SHTN1: variants seen among roughly 807,000 people sequenced by gnomAD.
SHTN1 encodes the protein shootin-1.
In SHTN1, 42 loss-of-function variants were observed where a neutral mutation model predicts 83.1. The observed-to-expected ratio is 0.51, with a 90% CI of 0.39 to 0.65. The LOEUF is 0.65. Ranked by LOEUF, SHTN1 falls within the 30% of genes least tolerant of loss-of-function variation. SHTN1 has a pLI of 0.00. For missense variants in SHTN1, 622 were observed against 737.8 expected (o/e 0.84, Z 1.82); for synonymous variants, 224 against 247.7 (o/e 0.90, Z 0.90).
At position 116,883,790 on chromosome 10, in the gene SHTN1, T is replaced by G. The variant is rs559117392; in HGVS notation, c.*2554A>C. ...ACTATGCTGGGTGCTAATAGCCCTG[T>G]TGATGCCTGCCAGTCAGAACTTCCA... On this transcript the variant is annotated 3_prime_UTR_variant, in exon 17 of 17. Transcript: ENST00000355371. 6.1e-6 allele frequency: 1 copy of G among 164,740 alleles called. No individual in the cohort carries two copies. The highest frequency in any genetic ancestry group is 2.4e-5 in the African/African-American group (1 of 41,478). The allele number at this position is 164,740 out of a possible 1,614,324, so 10.2% of individuals were successfully genotyped here. A position where few individuals can be genotyped will look rare whatever the true frequency, so the allele number is the denominator to read the frequency against.
chr10:117,107,469 T>C (rs1177810435), intron 1 of SHTN1, among the ~76,000 whole-genome samples: 1 of 150,798 alleles, frequency 6.6e-6, no homozygotes, highest in African/African-American at 2.4e-5. Flanking sequence ...TCACAACACA[T>C]ATCTACCCTC....
chr10:116,894,860 G>A (rs944191641), intron 16 of SHTN1, among the ~76,000 whole-genome samples: 4 of 152,072 alleles, frequency 2.6e-5, no homozygotes, highest in African/African-American at 9.7e-5. Flanking sequence ...AAAGCAAGAG[G>A]GCAAGAAAAC....
chr10:116,980,914 C>A (rs546050090), intron 1 of SHTN1, among the ~76,000 whole-genome samples: 48 of 152,256 alleles, frequency 3.2e-4, no homozygotes, highest in African/African-American at 1.1e-3. Context: ...ATACCAGGAC[C>A]ACTTAAACAA....
intron 6 of SHTN1, among the ~76,000 whole-genome samples, chr10:116,951,162 T>C (rs987661527): frequency 2.6e-5 from 4 of 152,154 alleles, no homozygotes; most frequent in Non-Finnish European, 5.9e-5. Flanking sequence ...GCGGCTTGCA[T>C]TGGTGGTCCC....
At chr10:117,077,134 C>T (rs923033053) in intron 1 of SHTN1, among the ~76,000 whole-genome samples, 4 of 152,136 alleles carry the variant, frequency 2.6e-5, no homozygotes, top group African/African-American at 7.2e-5. Context: ...TTCACCTCTA[C>T]GAATAGGTTT....
rs528805690 is a variant in SHTN1 at position 117,033,067 on chromosome 10, AAG to A, written c.-123+15376_-123+15377del. Among the ~76,000 whole-genome samples the A allele has an allele frequency of 4.2e-3, 642 of 152,274 alleles. 7 individuals are homozygous for A. Among genetic ancestry groups the A allele is most frequent in the Non-Finnish European group, 6.1e-3 (418 of 68,016 alleles). The stretch of plus-strand genomic sequence containing the variant: ...TTCCAAGAAGGAAATTTATAGCTGT[AAG>A]TGCCTGCCTACATCAAAAAAGAAGA... On this transcript the variant is annotated intron_variant, in intron 2 of 17. Coordinates refer to the SHTN1 transcript ENST00000392901.
chr10:116,987,624 G>T (rs1224510270), intron 1 of SHTN1, among the ~76,000 whole-genome samples: 1 of 152,048 alleles, frequency 6.6e-6, no homozygotes, highest in African/African-American at 2.4e-5. Context: ...ACAATAAAAA[G>T]ATCAGTGGGA....
chr10:116,960,301 TC>T, intron 3 of SHTN1, 71 bp from the exon 4 acceptor site: 1 of 845,590 alleles, frequency 1.2e-6, no homozygotes, highest in Non-Finnish European at 2.0e-6. Context: ...CCACGCATCG[TC>T]CCATGATTAA....
intron 7 of SHTN1, 28 bp downstream of exon 7, chr10:116,948,888 T>C (rs1849679314): frequency 6.8e-7 from 1 of 1,481,042 alleles, no homozygotes; most frequent in South Asian, 1.4e-5. Flanking sequence ...GCATACGTAT[T>C]TGAGAAAAAA....
chr10:117,034,933 C>G (rs1160670370), intron 2 of SHTN1, among the ~76,000 whole-genome samples: 1 of 152,096 alleles, frequency 6.6e-6, no homozygotes, highest in African/African-American at 2.4e-5. Flanking sequence ...AATGCAATCC[C>G]TCTCAGAATA....
chr10:117,095,667 T>C (rs1853493555), intron 1 of SHTN1, among the ~76,000 whole-genome samples: 1 of 152,226 alleles, frequency 6.6e-6, no homozygotes, highest in Non-Finnish European at 1.5e-5. Context: ...GAAAATAGAA[T>C]ATCTGAAAAA....
chr10:116,942,007 C>A (rs774782204), intron 8 of SHTN1, among the ~76,000 whole-genome samples: 1 of 152,066 alleles, frequency 6.6e-6, no homozygotes, highest in Non-Finnish European at 1.5e-5. Flanking sequence ...TACATGAAAC[C>A]CACATTCTTC....
intron 1 of SHTN1, among the ~76,000 whole-genome samples, chr10:117,000,949 C>T (rs1159267018): frequency 6.6e-6 from 1 of 152,192 alleles, no homozygotes; most frequent in Non-Finnish European, 1.5e-5. Flanking sequence ...ATATTCAATG[C>T]ATGTGGGCTG....
Position 116,881,562 on chromosome 10 carries a change from A to G in SHTN1, c.*4782T>C, listed in dbSNP as rs1162510192. ...TTTTTACTTTAATGAGGAAGCTGAA[A>G]AGGCTGCGGAGGCACTTGAGGCTGC... On this transcript the variant is annotated 3_prime_UTR_variant, in exon 17 of 17. Coordinates refer to ENST00000355371, the MANE Select transcript of SHTN1 (RefSeq NM_001127211.3). 6 of 1,549,832 alleles carry G rather than the reference A, an allele frequency of 3.9e-6. No individual in the cohort carries two copies. Among genetic ancestry groups the G allele is most frequent in the Admixed American group, 3.9e-5 (2 of 50,840 alleles).
Position 116,985,402 on chromosome 10 carries a change from T to C in SHTN1, c.59-6094A>G, listed in dbSNP as rs184481358. Among the ~76,000 whole-genome samples the C allele has an allele frequency of 2.4e-3, 367 of 152,338 alleles. 2 individuals are homozygous for C. The highest frequency in any genetic ancestry group is 8.3e-3 in the African/African-American group (347 of 41,576). On this transcript the variant is annotated intron_variant, in intron 1 of 16. Transcript: ENST00000355371. ...AGTCATTCATCCAAAAAGACATTAC[T>C]GAGCATTACTGTGTGCAATGCACTA...
intron 1 of SHTN1, 22 bp from the exon 2 acceptor site, chr10:116,979,330 A>G (rs1363434424): frequency 6.2e-7 from 1 of 1,604,882 alleles, no homozygotes; most frequent in Non-Finnish European, 8.5e-7. Context: ...AAGGAAAGCA[A>G]CATTACAACA....
At chr10:116,985,331 C>T (rs1339412675) in intron 1 of SHTN1, among the ~76,000 whole-genome samples, 1 of 152,126 alleles carries the variant, frequency 6.6e-6, no homozygotes, top group Non-Finnish European at 1.5e-5. Context: ...AAGTCAAATC[C>T]CACAATACAG....
At chr10:116,898,572 A>G (rs537595047) in intron 16 of SHTN1, among the ~76,000 whole-genome samples, 1 of 152,304 alleles carries the variant, frequency 6.6e-6, no homozygotes, top group African/African-American at 2.4e-5. Context: ...ATCGGAATTC[A>G]TAACGTTCAC....
Position 116,970,757 on chromosome 10 carries a change from G to C in SHTN1, c.112-2045C>G, listed in dbSNP as rs557368947. On this transcript the variant is annotated intron_variant, in intron 2 of 16. Transcript: ENST00000355371. The stretch of plus-strand genomic sequence containing the variant: ...CCATCATGTTAAATGAGTTGCAGAA[G>C]ATATATCAGATATATCAAATAATAT... Among the ~76,000 whole-genome samples, 3 of 148,696 alleles carry C rather than the reference G, an allele frequency of 2.0e-5. No individual in the cohort carries two copies. In the South Asian group the frequency reaches 6.4e-4, roughly 32 times the overall value.
Sources: allele counts gnomAD v4.1 joint callset (sites outside exome capture counted in the v4.1 genomes callset), GRCh38; gene constraint gnomAD v4.1.1; transcripts MANE v1.5; gene names NCBI Gene and HGNC (gene_info 2026-07-23, HGNC 2026-07-21).